The following CHST11 variants were observed in gnomAD, a reference collection of about 807,000 sequenced individuals.
CHST11 encodes the protein C4S-1.
In CHST11, 9 loss-of-function variants were observed where a neutral mutation model predicts 30.4. That is an observed-to-expected ratio of 0.30 (90% CI 0.18 to 0.52). The LOEUF is 0.52. CHST11 is among the 20% of genes least tolerant of loss of function. The pLI is 0.97. For missense variants in CHST11, 348 were observed against 460.6 expected (o/e 0.76, Z 2.24); for synonymous variants, 152 against 187.8 (o/e 0.81, Z 1.56).
chr12:104,486,859 AG>A (rs2037684091), intron 1 of CHST11, among the ~76,000 whole-genome samples: 1 of 152,192 alleles, frequency 6.6e-6, no homozygotes, highest in African/African-American at 2.4e-5. Flanking sequence ...TTTAAAACGA[AG>A]GGGGGCATAC....
intron 2 of CHST11, among the ~76,000 whole-genome samples, chr12:104,633,750 A>G (rs559181895): frequency 1.3e-5 from 2 of 151,920 alleles, no homozygotes; most frequent in South Asian, 4.2e-4. Flanking sequence ...ATTTTATTTT[A>G]TTTTTTAGTC....
intron 2 of CHST11, among the ~76,000 whole-genome samples, chr12:104,643,692 G>C (rs1340626834): frequency 6.6e-6 from 1 of 151,976 alleles, no homozygotes; most frequent in African/African-American, 2.4e-5. Context: ...TGTTGCACTT[G>C]AGGAGTTTTT....
chr12:104,509,373 A>T (rs1003348800), intron 1 of CHST11, among the ~76,000 whole-genome samples: 72 of 152,192 alleles, frequency 4.7e-4, no homozygotes, highest in African/African-American at 1.7e-3. Flanking sequence ...GTATGTCTTT[A>T]TCAGCAGTGT....
chr12:104,544,381 G>C (rs915281704), intron 1 of CHST11, among the ~76,000 whole-genome samples: 5 of 152,094 alleles, frequency 3.3e-5, no homozygotes, highest in Non-Finnish European at 7.3e-5. Context: ...TTGATAGGGA[G>C]AGAGGAGGAT....
rs192098298 is a variant in CHST11 at position 104,634,184 on chromosome 12, A to T, written c.204+32193A>T. Among the ~76,000 whole-genome samples the T allele has an allele frequency of 3.1e-3, 473 of 152,276 alleles. 5 individuals carry two copies. The highest frequency in any genetic ancestry group is 1.1e-3 in the Non-Finnish European group (73 of 68,030). On this transcript the variant is annotated intron_variant, in intron 2 of 2. Transcript: ENST00000303694. ...TTTGTTAACTTGTCTTCTCCACTAGACTGGAAGCTCCATGAGGACAGGGCC... is the reference window on the plus strand; with the variant it reads ...TTTGTTAACTTGTCTTCTCCACTAGTCTGGAAGCTCCATGAGGACAGGGCC...
intron 1 of CHST11, among the ~76,000 whole-genome samples, chr12:104,594,920 C>T (rs984484255): frequency 1.3e-5 from 2 of 152,166 alleles, no homozygotes; most frequent in African/African-American, 4.8e-5. Context: ...GCCCTCCAGC[C>T]TGGATGACAG....
chr12:104,590,333 T>C (rs1353528734), intron 1 of CHST11, among the ~76,000 whole-genome samples: 6 of 152,230 alleles, frequency 3.9e-5, no homozygotes, highest in Non-Finnish European at 8.8e-5. Context: ...TGGGAATATA[T>C]GTTTTTTAAA....
intron 1 of CHST11, among the ~76,000 whole-genome samples, chr12:104,519,411 C>T (rs1201535295): frequency 1.3e-5 from 2 of 152,148 alleles, no homozygotes; most frequent in African/African-American, 4.8e-5. Flanking sequence ...TAAAGGAGGG[C>T]ACAGCATGAT....
chr12:104,545,829 G>A (rs1553838), intron 1 of CHST11, among the ~76,000 whole-genome samples: 2 of 151,212 alleles, frequency 1.3e-5, no homozygotes, highest in Admixed American at 6.6e-5. Flanking sequence ...CTTGCTCTCT[G>A]TCTCTCTTTT....
chr12:104,605,283 G>C (rs2038994173), intron 2 of CHST11, among the ~76,000 whole-genome samples: 1 of 152,054 alleles, frequency 6.6e-6, no homozygotes, highest in African/African-American at 2.4e-5. Flanking sequence ...TCTGATTTGA[G>C]TGTACAGAGT....
intron 2 of CHST11, among the ~76,000 whole-genome samples, chr12:104,711,159 G>C (rs1189415928): frequency 2.0e-5 from 3 of 152,082 alleles, no homozygotes; most frequent in Admixed American, 2.0e-4. Context: ...TGCCAAGATG[G>C]GCTTGTACAC....
intron 1 of CHST11, among the ~76,000 whole-genome samples, chr12:104,551,700 G>C (rs1039914986): frequency 6.6e-6 from 1 of 152,248 alleles, no homozygotes; most frequent in African/African-American, 2.4e-5. Flanking sequence ...AGTATTTTTA[G>C]CCAAGTTGTG....
In CHST11 at chr12:104,757,058, A is replaced by G. The variant is rs762854414; in HGVS notation, c.314A>G (p.Asn105Ser). The G allele has an allele frequency of 2.0e-5, 33 of 1,613,964 alleles. No individual in the cohort carries two copies. Among genetic ancestry groups the G allele is most frequent in the Non-Finnish European group, 2.7e-5 (32 of 1,180,026 alleles). The change falls in exon 3 of 3, where the codon AAC (asparagine) becomes AGC (serine). Residue 105 changes from asparagine to serine, a missense_variant. Transcript: ENST00000303694. The surrounding 1 kb of genome is among the most constrained non-coding windows in gnomAD (Gnocchi z 6.5). ...CGTAAGCGGAGGGTGCTGACCCCCA[A>G]CGACCTGAAGCACTTGGTGGTGGAT... Reference protein sequence around the residue: ...TSRKRRVLTPNDLKHLVVDED... With the variant: ...TSRKRRVLTPSDLKHLVVDED...
At chr12:104,519,344 C>T (rs1489348887) in intron 1 of CHST11, among the ~76,000 whole-genome samples, 1 of 152,136 alleles carries the variant, frequency 6.6e-6, no homozygotes, top group Admixed American at 6.5e-5. Context: ...TTAATGACAG[C>T]AGTTGGTAAA....
chr12:104,501,929 G>A (rs150376682), intron 1 of CHST11, among the ~76,000 whole-genome samples: 3,992 of 152,302 alleles, frequency 0.026, 60 homozygotes, highest in Middle Eastern at 0.051. Context: ...ACAGCTGTGA[G>A]CAAACAGCTC....
chr12:104,629,793 G>A (rs534167597), intron 2 of CHST11, among the ~76,000 whole-genome samples: 9 of 152,318 alleles, frequency 5.9e-5, no homozygotes, highest in African/African-American at 2.2e-4. Context: ...CTGCACTCCA[G>A]CCTGGGCAAG....
intron 2 of CHST11, among the ~76,000 whole-genome samples, chr12:104,711,898 G>C (rs975721358): frequency 3.9e-5 from 6 of 152,146 alleles, no homozygotes; most frequent in Non-Finnish European, 8.8e-5. Flanking sequence ...GGAGGCTTCA[G>C]ACTAGTCCAG....
chr12:104,614,632 TATGTGTGTGTGTGC>T (rs992000268), intron 2 of CHST11, among the ~76,000 whole-genome samples: 1 of 152,084 alleles, frequency 6.6e-6, no homozygotes, highest in African/African-American at 2.4e-5. Context: ...TAGGCATGTG[TATGTGTGTGTGTGC>T]ATGTGTGTAT....
intron 1 of CHST11, among the ~76,000 whole-genome samples, chr12:104,549,241 G>C (rs1345941533): frequency 6.6e-6 from 1 of 152,194 alleles, no homozygotes; most frequent in Non-Finnish European, 1.5e-5. Flanking sequence ...GAGGTGGTGG[G>C]CATGTCAACT....
Sources: gnomAD v4.1 joint callset for allele counts (sites outside exome capture counted in the v4.1 genomes callset) on GRCh38, gnomAD v4.1.1 for gene constraint, Gnocchi (gnomAD v3.1) non-coding constraint, MANE v1.5 for transcripts, NCBI Gene and HGNC (gene_info 2026-07-23, HGNC 2026-07-21) for gene names.